ASAP2: variants seen among roughly 807,000 people sequenced by gnomAD.
ASAP2 encodes ArfGAP with SH3 domain, ankyrin repeat and PH domain 2, also known as arf-GAP with SH3 domain, ANK repeat and PH domain-containing protein 2.
In ASAP2, 45 loss-of-function variants were observed where a neutral mutation model predicts 131.4. The ratio of observed to expected loss-of-function variants is 0.34; its 90% confidence interval spans 0.27 to 0.44. The LOEUF (loss-of-function observed/expected upper bound fraction) is 0.44. Among genes scored for constraint, ASAP2 ranks in the 20% least tolerant of loss-of-function variants. The pLI, the probability that ASAP2 is intolerant of heterozygous loss-of-function variation, is 1.00. For synonymous variants in ASAP2, 510 were observed against 503.0 expected (o/e 1.01, Z -0.19); for missense variants, 1,011 against 1,297.0 (o/e 0.78, Z 3.39).
In ASAP2 at chr2:9,228,942, G is replaced by A. The variant is rs902454645; in HGVS notation, c.126+21712G>A. Among the ~76,000 whole-genome samples, 6 of 152,020 alleles carry A rather than the reference G, an allele frequency of 3.9e-5. No individual in the cohort carries two copies. In the East Asian group the frequency reaches 7.7e-4, roughly 20 times the overall value. On this transcript the variant is annotated intron_variant, in intron 1 of 27. Coordinates refer to ENST00000281419, the MANE Select transcript of ASAP2 (RefSeq NM_003887.3). ...TCCAGCAGCTTCAAGCACCCCTCAC[G>A]GGCCAACTCCCCAGAGGTGGAAGAT...
At chr2:9,339,288 T>C (rs2148582871) in intron 9 of ASAP2, among the ~76,000 whole-genome samples, 1 of 152,098 alleles carries the variant, frequency 6.6e-6, no homozygotes, top group South Asian at 2.1e-4. Context: ...TGGGGAGCTG[T>C]CTAGCAGAGC....
intron 1 of ASAP2, among the ~76,000 whole-genome samples, chr2:9,236,996 C>A (rs1015839603): frequency 1.3e-5 from 2 of 152,044 alleles, no homozygotes; most frequent in Admixed American, 1.3e-4. Context: ...CAGGCAGGGG[C>A]TAGTGAAGGC....
At position 9,393,605 on chromosome 2, in the gene ASAP2, C is replaced by G. The variant is rs768219520; in HGVS notation, c.2642C>G (p.Pro881Arg). ...CAGATCAGGCCCCCACCTCTGCCCC[C>G]ACAGCCGCCCAGCCGCCTCCCGCAG... Reference protein sequence around the residue: ...ISQIRPPPLPPQPPSRLPQKK... With the variant: ...ISQIRPPPLPRQPPSRLPQKK... The change falls in exon 24 of 28, where the codon CCA becomes CGA. Residue 881 changes from proline to arginine, a missense_variant. Physicochemically the swap from Pro to Arg is moderately radical, Grantham distance 103 (BLOSUM62 -2). Coordinates refer to ENST00000281419, the MANE Select transcript of ASAP2 (RefSeq NM_003887.3). The G allele has an allele frequency of 1.9e-5, 31 of 1,590,514 alleles. No individual in the cohort carries two copies. The African/African-American group carries it at 2.3e-4, about 12-fold the overall frequency.
chr2:9,311,073 G>A lies in ASAP2; in HGVS notation c.346-7451G>A, dbSNP rs1213758657. On this transcript the variant is annotated intron_variant, in intron 3 of 27. Transcript: ENST00000281419. The surrounding 1 kb of genome is among the most constrained non-coding windows in gnomAD (Gnocchi z 5.2). ...AAAAGCTAAGACAGGAAGTAGGGGT[G>A]GGGAAAGGAAGGATTGTTATTTTGA... 6.6e-6 allele frequency among the ~76,000 whole-genome samples: 1 copy of A among 152,078 alleles called. No individual in the cohort carries two copies. Among genetic ancestry groups the A allele is most frequent in the Admixed American group, 6.5e-5 (1 of 15,272 alleles).
At chr2:9,373,083 G>T (rs376922630) in intron 16 of ASAP2, among the ~76,000 whole-genome samples, 2 of 152,164 alleles carry the variant, frequency 1.3e-5, no homozygotes, top group Non-Finnish European at 2.9e-5. Flanking sequence ...AGCCAGCACC[G>T]CAGTGAGCTC....
intron 1 of ASAP2, among the ~76,000 whole-genome samples, chr2:9,231,613 T>C (rs1385324344): frequency 6.6e-6 from 1 of 152,194 alleles, no homozygotes; most frequent in East Asian, 1.9e-4. Context: ...TTCTTCCTCC[T>C]GTCAGAGGGC....
At chr2:9,297,267 G>C (rs1401858623) in intron 2 of ASAP2, 33 bp from the exon 3 acceptor site, 1 of 1,607,138 alleles carries the variant, frequency 6.2e-7, no homozygotes, top group Non-Finnish European at 8.5e-7. Context: ...TGGCATGCCT[G>C]AGACTCACAG....
chr2:9,387,558 C>T (rs1572613629), intron 21 of ASAP2, among the ~76,000 whole-genome samples: 2 of 152,138 alleles, frequency 1.3e-5, no homozygotes, highest in African/African-American at 2.4e-5. Context: ...TTGAGTGCAG[C>T]GGGCTGGCCA....
rs569710025 is a variant in ASAP2, at chr2:9,382,765, A to G, written c.2016+1957A>G. Among the ~76,000 whole-genome samples, 3 of 152,380 alleles carry G rather than the reference A, an allele frequency of 2.0e-5. No individual in the cohort carries two copies. The East Asian group carries it at 5.8e-4, about 29-fold the overall frequency. On this transcript the variant is annotated intron_variant, in intron 20 of 27. Coordinates refer to ENST00000281419, the MANE Select transcript of ASAP2 (RefSeq NM_003887.3). ...ACACTGTTGTCACAACAAGCAATAC[A>G]GAAGCAGACTGCTGTGACCAAAGGT... is the stretch of plus-strand genomic sequence containing the variant.
At chr2:9,306,258 T>G (rs1572405255) in intron 3 of ASAP2, among the ~76,000 whole-genome samples, 2 of 113,728 alleles carry the variant, frequency 1.8e-5, no homozygotes, top group African/African-American at 7.0e-5. Context: ...TATGGCCTGG[T>G]GGGGCTGTAG....
rs1675537704 is a variant in ASAP2 at position 9,389,296 on chromosome 2, A to G, written c.2383+750A>G. On this transcript the variant is annotated intron_variant, in intron 22 of 27. Coordinates refer to ENST00000281419, the MANE Select transcript of ASAP2 (RefSeq NM_003887.3). The surrounding 1 kb of genome is among the most constrained non-coding windows in gnomAD (Gnocchi z 4.7). ...CCATGGCCTTCAGAGGGTTTCCCAC[A>G]TGAAGGAGGCTGCTGAGACTTTGAT... is the stretch of plus-strand genomic sequence containing the variant. Among the ~76,000 whole-genome samples the G allele has an allele frequency of 6.6e-6, 1 of 152,058 alleles. No homozygotes were observed. Among genetic ancestry groups the G allele is most frequent in the Non-Finnish European group, 1.5e-5 (1 of 67,980 alleles).
At chr2:9,212,898 C>T (rs193072485) in intron 1 of ASAP2, among the ~76,000 whole-genome samples, 1 of 152,184 alleles carries the variant, frequency 6.6e-6, no homozygotes, top group East Asian at 1.9e-4. Context: ...AAGCACTGTT[C>T]GAGACGGAAC....
rs770236597 is a variant in ASAP2 at position 9,281,494 on chromosome 2, G to A, written c.199+2105G>A. ...GCCATGCTGACCTATATTGCTGAGC[G>A]TGTACCACAAACCTCATTCCTATTT... On this transcript the variant is annotated intron_variant, in intron 2 of 27. Coordinates refer to ENST00000281419, the MANE Select transcript of ASAP2 (RefSeq NM_003887.3). The surrounding 1 kb of genome is among the most constrained non-coding windows in gnomAD (Gnocchi z 4.0). 1.7e-4 allele frequency among the ~76,000 whole-genome samples: 26 copies of A among 152,200 alleles called. No homozygotes were observed. The highest frequency in any genetic ancestry group is 6.5e-4 in the Admixed American group (10 of 15,274).
chr2:9,326,133 C>G (rs976485883), intron 6 of ASAP2, among the ~76,000 whole-genome samples: 49 of 152,180 alleles, frequency 3.2e-4, no homozygotes, highest in African/African-American at 1.1e-3. Flanking sequence ...GCAATCCCAG[C>G]ACTTTGGGAG....
intron 24 of ASAP2, among the ~76,000 whole-genome samples, chr2:9,394,409 C>G (rs1157904918): frequency 6.6e-6 from 1 of 152,132 alleles, no homozygotes; most frequent in African/African-American, 2.4e-5. Flanking sequence ...CGTGATCCAC[C>G]TGCCTCGGCC....
intron 3 of ASAP2, among the ~76,000 whole-genome samples, chr2:9,301,259 T>C (rs545251350): frequency 1.3e-5 from 2 of 152,288 alleles, no homozygotes; most frequent in Admixed American, 6.5e-5. Flanking sequence ...AAAGAATGTT[T>C]ATAAAGCAGT....
chr2:9,348,688 TCAAA>T (rs974841619), intron 11 of ASAP2, among the ~76,000 whole-genome samples: 10 of 152,236 alleles, frequency 6.6e-5, no homozygotes, highest in African/African-American at 2.4e-4. Context: ...TATTCCTACT[TCAAA>T]CAAAGGTGCT....
chr2:9,313,325 G>A (rs115769960), intron 3 of ASAP2, among the ~76,000 whole-genome samples: 2,545 of 152,264 alleles, frequency 0.017, 90 homozygotes, highest in African/African-American at 0.058. Context: ...ATTAAATAAC[G>A]AATAATCTCA....
intron 1 of ASAP2, among the ~76,000 whole-genome samples, chr2:9,215,525 C>T (rs1053772901): frequency 6.6e-6 from 1 of 151,822 alleles, no homozygotes; most frequent in African/African-American, 2.4e-5. Flanking sequence ...GTGTTGCTTA[C>T]ATTTGTAATT....
Sources: allele counts gnomAD v4.1 joint callset (sites outside exome capture counted in the v4.1 genomes callset), GRCh38; gene constraint gnomAD v4.1.1; non-coding constraint Gnocchi (gnomAD v3.1); transcripts MANE v1.5; gene names NCBI Gene and HGNC (gene_info 2026-07-23, HGNC 2026-07-21).